The following ZW10 variants were observed in gnomAD, a reference collection of about 807,000 sequenced individuals.
ZW10 encodes centromere/kinetochore protein zw10 homolog.
ZW10 carries 53 observed loss-of-function variants against 87.8 expected under a neutral mutation model. The observed-to-expected ratio is 0.60, with a 90% CI of 0.48 to 0.76. The LOEUF is 0.76. ZW10 is among the 30% of genes least tolerant of loss of function. ZW10 has a pLI of 0.00. For missense variants in ZW10, 837 were observed against 923.0 expected (o/e 0.91, Z 1.21); for synonymous variants, 312 against 329.2 (o/e 0.95, Z 0.57).
At chr11:113,759,489 T>C (rs888200122) in intron 5 of ZW10, among the ~76,000 whole-genome samples, 1 of 152,130 alleles carries the variant, frequency 6.6e-6, no homozygotes. Context: ...AAGTTTCTCT[T>C]GAAATACACT....
chr11:113,735,660 G>A (rs895722754), intron 15 of ZW10, among the ~76,000 whole-genome samples: 2 of 151,988 alleles, frequency 1.3e-5, no homozygotes, highest in African/African-American at 4.8e-5. Context: ...AATCTACCAA[G>A]ACAATATAAA....
intron 1 of ZW10, chr11:113,771,335 A>AAGAAGACAG (rs1467139970): frequency 2.0e-5 from 3 of 152,302 alleles, no homozygotes; most frequent in African/African-American, 7.2e-5. Flanking sequence ...TGGCTGAGGA[A>AAGAAGACAG]AGAAGACAGA....
At chr11:113,737,072 T>C (rs181502223) in intron 14 of ZW10, among the ~76,000 whole-genome samples, 1 of 152,312 alleles carries the variant, frequency 6.6e-6, no homozygotes, top group Admixed American at 6.5e-5. Context: ...GTTTCTCCAA[T>C]AGAATGTCGC....
At chr11:113,743,454 C>T (rs1177978140) in intron 10 of ZW10, among the ~76,000 whole-genome samples, 2 of 152,160 alleles carry the variant, frequency 1.3e-5, no homozygotes, top group Non-Finnish European at 2.9e-5. Context: ...CATATAATAT[C>T]ATTCAATTCA....
In ZW10 at chr11:113,745,437, A is replaced by T. The variant is rs961117075; in HGVS notation, c.1273-1397T>A. On this transcript the variant is annotated intron_variant, in intron 9 of 15. Coordinates refer to ENST00000200135, the MANE Select transcript of ZW10 (RefSeq NM_004724.4). Reference sequence around the variant, plus strand: ...GGTTCAAAGTCTAATAAAACTATTTAAGTCAGTGGACTTGGCTGTCTAATC... The same window carrying T: ...GGTTCAAAGTCTAATAAAACTATTTTAGTCAGTGGACTTGGCTGTCTAATC... 1.9e-4 allele frequency among the ~76,000 whole-genome samples: 29 copies of T among 152,304 alleles called. 1 individual carries two copies. Among genetic ancestry groups the T allele is most frequent in the Admixed American group, 1.8e-3 (27 of 15,300 alleles).
Position 113,751,019 on chromosome 11 carries a change from CT to C in ZW10, c.926-2600del, listed in dbSNP as rs34836136. On this transcript the variant is annotated intron_variant, in intron 7 of 15. Coordinates refer to ENST00000200135, the MANE Select transcript of ZW10 (RefSeq NM_004724.4). ...TTCAATTTCTGGAAAACTGCAAATACTTTTTTTTTTTTTTTTAGTGTTTATT... is the reference window on the plus strand; with the variant it reads ...TTCAATTTCTGGAAAACTGCAAATACTTTTTTTTTTTTTTTAGTGTTTATT... 1,258 of 142,336 alleles carry C rather than the reference CT, an allele frequency of 8.8e-3. 6 individuals are homozygous for C. The highest frequency in any genetic ancestry group is 0.012 in the Non-Finnish European group (797 of 65,382). The allele number at this position is 142,336 out of a possible 1,614,324, so 8.8% of individuals were successfully genotyped here. A position where few individuals can be genotyped will look rare whatever the true frequency, so the allele number is the denominator to read the frequency against.
At chr11:113,762,949 C>A (rs748282384) in intron 2 of ZW10, among the ~76,000 whole-genome samples, 10 of 152,166 alleles carry the variant, frequency 6.6e-5, no homozygotes, top group Non-Finnish European at 1.3e-4. Context: ...AGGTTTGTTA[C>A]ACAGGTATAC....
In ZW10 at chr11:113,766,196, C is replaced by A. The variant is rs143738394; in HGVS notation, c.240+2637G>T. 6.9e-3 allele frequency among the ~76,000 whole-genome samples: 1,054 copies of A among 151,678 alleles called. 11 individuals are homozygous for A. Among genetic ancestry groups the A allele is most frequent in the African/African-American group, 0.023 (953 of 41,284 alleles). Reference sequence around the variant, plus strand: ...GACCAGCCTGGGCAACATTGTGAGACCCTGTCCCTACCAAAAAATTTAGCT... The same window carrying A: ...GACCAGCCTGGGCAACATTGTGAGAACCTGTCCCTACCAAAAAATTTAGCT... On this transcript the variant is annotated intron_variant, in intron 2 of 15. Transcript: ENST00000200135.
intron 7 of ZW10, among the ~76,000 whole-genome samples, chr11:113,753,619 TGGTCTTG>T (rs1953755102): frequency 6.6e-6 from 1 of 152,336 alleles, no homozygotes; most frequent in East Asian, 1.9e-4. Context: ...TTGGCCAGGC[TGGTCTTG>T]AACTCCTGAC....
At chr11:113,748,558 C>T (rs1226363268) in intron 7 of ZW10, 138 bp from the exon 8 acceptor site, 3 of 646,804 alleles carry the variant, frequency 4.6e-6, no homozygotes, top group East Asian at 2.8e-5. Flanking sequence ...TTCTCAACTG[C>T]GTGGGACAAA....
At position 113,760,102 on chromosome 11, in the gene ZW10, G is replaced by T. The variant is rs554790156; in HGVS notation, c.580+107C>A. ...ATGAGTGCTCAATACAGACATGGAA[G>T]ATTATGAATGAACCCTCATCTACTA... On this transcript the variant is annotated intron_variant, in intron 5 of 15. Transcript: ENST00000200135. The T allele has an allele frequency of 1.4e-3, 1,912 of 1,322,012 alleles. 3 individuals carry two copies. The highest frequency in any genetic ancestry group is 1.7e-3 in the Non-Finnish European group (1,656 of 971,780). 81.9% of individuals were successfully genotyped at this position (1,322,012 alleles called of 1,614,324 possible).
chr11:113,733,719 G>T lies in ZW10; in HGVS notation c.2315C>A (p.Ala772Glu). ...RALFQNTERRAAALAKIK is the reference protein window; with the variant it reads ...RALFQNTERREAALAKIK The stretch of plus-strand genomic sequence containing the variant: ...CTATTTAATTTTAGCAAGGGCAGCT[G>T]CTCTTCTTTCTGTGTTCTGAAACAA... Residue 772 changes from alanine (A) to glutamate (E), a missense_variant, in exon 16 of 16, where the codon GCA becomes GAA. By Grantham distance (107) the Ala-to-Glu change is moderately radical (BLOSUM62 -1). Transcript: ENST00000200135. 6.2e-7 allele frequency: 1 copy of T among 1,614,076 alleles called. No homozygotes were observed. Among genetic ancestry groups the T allele is most frequent in the Non-Finnish European group, 8.5e-7 (1 of 1,180,008 alleles).
In ZW10 at chr11:113,763,024, G is replaced by A. The variant is rs113763720; in HGVS notation, c.241-2106C>T. Among the ~76,000 whole-genome samples the A allele has an allele frequency of 9.4e-3, 1,422 of 151,790 alleles. 17 individuals carry two copies. Among genetic ancestry groups the A allele is most frequent in the African/African-American group, 0.029 (1,201 of 41,358 alleles). ...CTTAAGTTCCCTCCCCTCACCCCTCGTCCCCCACCAGGCCCTGGTGTGTGT... is the reference window on the plus strand; with the variant it reads ...CTTAAGTTCCCTCCCCTCACCCCTCATCCCCCACCAGGCCCTGGTGTGTGT... On this transcript the variant is annotated intron_variant, in intron 2 of 15. Coordinates refer to ENST00000200135, the MANE Select transcript of ZW10 (RefSeq NM_004724.4).
At chr11:113,760,676 T>G (rs896735153) in intron 3 of ZW10, 86 bp from the exon 4 acceptor site, 82 of 860,348 alleles carry the variant, frequency 9.5e-5, no homozygotes, top group East Asian at 4.8e-4. Flanking sequence ...CCACTTTCCC[T>G]CCCCCTCCCC....
At chr11:113,735,803 C>A (rs1345488018) in intron 15 of ZW10, among the ~76,000 whole-genome samples, 1 of 150,628 alleles carries the variant, frequency 6.6e-6, no homozygotes, top group Non-Finnish European at 1.5e-5. Context: ...AAAACATCAT[C>A]CACTACGTTT....
intron 9 of ZW10, among the ~76,000 whole-genome samples, chr11:113,744,950 T>C (rs983902930): frequency 4.6e-5 from 7 of 152,198 alleles, no homozygotes; most frequent in African/African-American, 1.7e-4. Context: ...ATCTGTCTCA[T>C]ACTAGACTAT....
At chr11:113,765,819 C>T (rs1953902657) in intron 2 of ZW10, among the ~76,000 whole-genome samples, 1 of 152,156 alleles carries the variant, frequency 6.6e-6, no homozygotes, top group Non-Finnish European at 1.5e-5. Flanking sequence ...TCAAGAATGT[C>T]TATATAGTAA....
chr11:113,758,608 C>G lies in ZW10; in HGVS notation c.679G>C (p.Val227Leu). 1.2e-6 allele frequency: 2 copies of G among 1,614,020 alleles called. No homozygotes were observed. The highest frequency in any genetic ancestry group is 1.7e-6 in the Non-Finnish European group (2 of 1,179,954). ...CCAAGAACAGAAAATGCCAAGAGGACAGAACTGATGGGTGGCATAGGGGTC... is the reference window on the plus strand; with the variant it reads ...CCAAGAACAGAAAATGCCAAGAGGAGAGAACTGATGGGTGGCATAGGGGTC... ...EKTPMPPISS[V>L]LLAFSVLGEL... Residue 227 changes from valine (V) to leucine (L), a missense_variant, in exon 6 of 16, where the codon GTC becomes CTC. By Grantham distance (32) the Val-to-Leu change is conservative. Coordinates refer to ENST00000200135, the MANE Select transcript of ZW10 (RefSeq NM_004724.4).
chr11:113,747,016 C>T (rs1196409343), intron 9 of ZW10, among the ~76,000 whole-genome samples: 1 of 151,460 alleles, frequency 6.6e-6, no homozygotes, highest in Non-Finnish European at 1.5e-5. Flanking sequence ...TACATTATTT[C>T]ATACATGTAA....
Sources: allele counts gnomAD v4.1 joint callset (sites outside exome capture counted in the v4.1 genomes callset), GRCh38; gene constraint gnomAD v4.1.1; transcripts MANE v1.5; gene names NCBI Gene and HGNC (gene_info 2026-07-23, HGNC 2026-07-21).